VMP1: variants seen among roughly 807,000 people sequenced by gnomAD.
The protein encoded by VMP1 is vacuole membrane protein 1.
In VMP1, 11 loss-of-function variants were observed where a neutral mutation model predicts 56.0. That is an observed-to-expected ratio of 0.20 (90% CI 0.12 to 0.32). The LOEUF (loss-of-function observed/expected upper bound fraction) is 0.32. Among genes scored for constraint, VMP1 ranks in the 10% least tolerant of loss-of-function variants. The pLI is 1.00. For synonymous variants in VMP1, 149 were observed against 165.0 expected (o/e 0.90, Z 0.74); for missense variants, 296 against 490.3 (o/e 0.60, Z 3.74).
At chr17:59,725,960 T>A (rs556898142) in intron 1 of VMP1, among the ~76,000 whole-genome samples, 21 of 152,294 alleles carry the variant, frequency 1.4e-4, no homozygotes, top group Admixed American at 2.6e-4. Context: ...CCAAAATGTT[T>A]TGGGTAAAAC....
intron 7 of VMP1, among the ~76,000 whole-genome samples, chr17:59,785,211 T>A (rs538020676): frequency 8.5e-5 from 13 of 152,332 alleles, no homozygotes; most frequent in African/African-American, 2.9e-4. Context: ...ATGTTTTGAA[T>A]AAGTTTACTT....
intron 5 of VMP1, among the ~76,000 whole-genome samples, chr17:59,759,098 A>AC (rs1347612339): frequency 6.6e-6 from 1 of 152,134 alleles, no homozygotes; most frequent in Non-Finnish European, 1.5e-5. Flanking sequence ...AACAACAACA[A>AC]CAACAAAATT....
At chr17:59,737,355 G>T in intron 3 of VMP1, 98 bp from the exon 4 acceptor site, 1 of 1,191,872 alleles carries the variant, frequency 8.4e-7, no homozygotes, top group East Asian at 2.5e-5. Flanking sequence ...GCCCAGCTGA[G>T]CTAGGTAACC....
At chr17:59,807,418 C>T (rs886750142) in intron 7 of VMP1, among the ~76,000 whole-genome samples, 2 of 151,658 alleles carry the variant, frequency 1.3e-5, no homozygotes, top group African/African-American at 4.8e-5. Flanking sequence ...AGAATGGTCT[C>T]GATCTCCTGA....
At chr17:59,812,843 G>A (rs1349504191) in intron 9 of VMP1, among the ~76,000 whole-genome samples, 11 of 152,014 alleles carry the variant, frequency 7.2e-5, no homozygotes, top group South Asian at 2.1e-4. Flanking sequence ...ACGCAGGAGA[G>A]TCTCTTGAAC....
At chr17:59,717,200 G>C (rs1168872457) in intron 1 of VMP1, among the ~76,000 whole-genome samples, 5 of 151,982 alleles carry the variant, frequency 3.3e-5, no homozygotes, top group Non-Finnish European at 5.9e-5. Flanking sequence ...TTGATCTCCT[G>C]ACCTCGTGAT....
chr17:59,807,832 C>CAAAAAAAAAAAAAAA (rs543862899), intron 7 of VMP1, among the ~76,000 whole-genome samples: 1 of 85,688 alleles, frequency 1.2e-5, no homozygotes, highest in Non-Finnish European at 2.5e-5. Flanking sequence ...AACTCCGTCT[C>CAAAAAAAAAAAAAAA]AAAAAAAAAA....
rs1351612754 is a variant in VMP1, at chr17:59,768,808, C to T, written c.582+3670C>T. ...CCAGCCTGGCCAAGATAGTGAAATGCTGTCTGTACTAAAAATACAAAAAAA... is the reference window on the plus strand; with the variant it reads ...CCAGCCTGGCCAAGATAGTGAAATGTTGTCTGTACTAAAAATACAAAAAAA... On this transcript the variant is annotated intron_variant, in intron 6 of 11. Coordinates refer to ENST00000262291, the MANE Select transcript of VMP1 (RefSeq NM_030938.5). Among the ~76,000 whole-genome samples, 4 of 151,664 alleles carry T rather than the reference C, an allele frequency of 2.6e-5. No homozygotes were observed. In the East Asian group the frequency reaches 7.8e-4, roughly 30 times the overall value.
intron 10 of VMP1, among the ~76,000 whole-genome samples, chr17:59,827,330 T>A (rs907086011): frequency 5.3e-5 from 8 of 151,094 alleles, no homozygotes; most frequent in East Asian, 4.0e-4. Flanking sequence ...GTCTGTTTGT[T>A]TTTTGAGACC....
intron 9 of VMP1, among the ~76,000 whole-genome samples, chr17:59,813,976 G>GATTGATTT (rs1365156768): frequency 6.6e-6 from 1 of 151,848 alleles, no homozygotes; most frequent in Non-Finnish European, 1.5e-5. Context: ...AATTTATGAT[G>GATTGATTT]ATTGATTGAT....
chr17:59,782,963 A>G (rs979879382), intron 7 of VMP1, among the ~76,000 whole-genome samples: 1 of 152,188 alleles, frequency 6.6e-6, no homozygotes, highest in African/African-American at 2.4e-5. Context: ...AACACGCCCA[A>G]GGCAGGCGGA....
At chr17:59,738,797 A>C (rs2035106039) in intron 4 of VMP1, 40 bp from the exon 5 acceptor site, 2 of 1,370,576 alleles carry the variant, frequency 1.5e-6, no homozygotes, top group Non-Finnish European at 2.1e-6. Context: ...GCATTTCTGT[A>C]TAGAGAATTC....
At chr17:59,817,965 C>T (rs1258416568) in intron 10 of VMP1, among the ~76,000 whole-genome samples, 192 bp downstream of exon 10, 2 of 151,818 alleles carry the variant, frequency 1.3e-5, no homozygotes, top group East Asian at 3.8e-4. Context: ...CTTACATTAT[C>T]CCTGTTTAAT....
chr17:59,798,679 G>A (rs1343560549), intron 7 of VMP1, among the ~76,000 whole-genome samples: 2 of 152,198 alleles, frequency 1.3e-5, no homozygotes, highest in African/African-American at 4.8e-5. Context: ...CTGAGGTCGG[G>A]AGTTCCAGAC....
intron 10 of VMP1, among the ~76,000 whole-genome samples, chr17:59,832,335 T>G (rs1449593564): frequency 2.0e-5 from 3 of 151,328 alleles, no homozygotes; most frequent in Non-Finnish European, 4.4e-5. Flanking sequence ...GCTAATTTTT[T>G]TATATTTTTA....
chr17:59,802,087 G>C (rs2037690435), intron 7 of VMP1, among the ~76,000 whole-genome samples: 1 of 151,850 alleles, frequency 6.6e-6, no homozygotes, highest in Non-Finnish European at 1.5e-5. Flanking sequence ...TGTAGTCCTA[G>C]GTACTCTGGA....
rs1598414868 is a variant in VMP1 at position 59,802,255 on chromosome 17, T to A, written c.715-6541T>A. Among the ~76,000 whole-genome samples the A allele has an allele frequency of 2.0e-5, 3 of 152,006 alleles. No homozygotes were observed. The South Asian group carries it at 6.2e-4, about 32-fold the overall frequency. On this transcript the variant is annotated intron_variant, in intron 7 of 11. Transcript: ENST00000262291. ...AAAACATGTTTAGATACACATATAC[T>A]TACATTGTGTTACAATTGCCTACAG...
At chr17:59,777,457 C>CTT (rs77891416) in intron 7 of VMP1, among the ~76,000 whole-genome samples, 2 of 145,140 alleles carry the variant, frequency 1.4e-5, no homozygotes, top group Admixed American at 7.0e-5. Flanking sequence ...AAGCAGTCTA[C>CTT]TTTTTTTTTT....
intron 7 of VMP1, among the ~76,000 whole-genome samples, chr17:59,788,700 G>T (rs1198554008): frequency 6.6e-6 from 1 of 151,016 alleles, no homozygotes. Context: ...CCAGCTGCTT[G>T]GGAGGCTGAG....
Sources: gnomAD v4.1 joint callset for allele counts (sites outside exome capture counted in the v4.1 genomes callset) on GRCh38, gnomAD v4.1.1 for gene constraint, MANE v1.5 for transcripts, NCBI Gene and HGNC (gene_info 2026-07-23, HGNC 2026-07-21) for gene names.